Variants in NXT1 observed in about 807,000 individuals in gnomAD.
NXT1 encodes nuclear transport factor 2 like export factor 1.
In NXT1, 3 loss-of-function variants were observed where a neutral mutation model predicts 9.9. The observed-to-expected ratio is 0.30, with a 90% CI of 0.14 to 0.79. The LOEUF (loss-of-function observed/expected upper bound fraction) is 0.79. Ranked by LOEUF, NXT1 falls within the 30% of genes least tolerant of loss-of-function variation. The pLI is 0.63. For synonymous variants in NXT1, 53 were observed against 66.5 expected (o/e 0.80, Z 0.99); for missense variants, 91 against 178.2 (o/e 0.51, Z 2.79).
chr20:23,351,915 C>T (rs935659513), intron 1 of NXT1, among the ~76,000 whole-genome samples: 12 of 152,212 alleles, frequency 7.9e-5, no homozygotes, highest in Non-Finnish European at 1.8e-4. Flanking sequence ...TTTGTGGTAA[C>T]ATTTAAATGA....
Position 23,354,506 on chromosome 20 carries a change from C to A in NXT1, c.*42C>A. The A allele has an allele frequency of 6.4e-7, 1 of 1,570,598 alleles. No homozygotes were observed. Among genetic ancestry groups the A allele is most frequent in the Non-Finnish European group, 8.6e-7 (1 of 1,158,488 alleles). ...CTCTTTGCTTCATTCAGCCCTAGCT[C>A]TGTAGAGAAATGCAAACCTCGACTC... is the stretch of plus-strand genomic sequence containing the variant. On this transcript the variant is annotated 3_prime_UTR_variant, in exon 2 of 2. Coordinates refer to ENST00000254998, the MANE Select transcript of NXT1 (RefSeq NM_013248.3).
chr20:23,353,173 G>A (rs1205978346), intron 1 of NXT1, among the ~76,000 whole-genome samples: 2 of 152,130 alleles, frequency 1.3e-5, no homozygotes, highest in Admixed American at 1.3e-4. Context: ...AGGAAAGAGT[G>A]GCCTTCCATA....
chr20:23,353,687 G>A (rs979960914), intron 1 of NXT1, among the ~76,000 whole-genome samples: 1 of 152,234 alleles, frequency 6.6e-6, no homozygotes, highest in African/African-American at 2.4e-5. Context: ...GGCTGAATCT[G>A]TGGATGCAAA....
chr20:23,353,373 A>G (rs938411065), intron 1 of NXT1, among the ~76,000 whole-genome samples: 2 of 152,166 alleles, frequency 1.3e-5, no homozygotes, highest in Non-Finnish European at 2.9e-5. Flanking sequence ...TAATCCCAGC[A>G]CTTTGGGGGG....
intron 1 of NXT1, among the ~76,000 whole-genome samples, chr20:23,353,358 G>C (rs1980324168): frequency 6.6e-6 from 1 of 152,228 alleles, no homozygotes; most frequent in African/African-American, 2.4e-5. Flanking sequence ...GGTGGCTCAT[G>C]CCTGTAATCC....
At position 23,351,974 on chromosome 20, in the gene NXT1, G is replaced by A. The variant is rs150492684; in HGVS notation, c.-62+913G>A. Among the ~76,000 whole-genome samples, 674 of 152,304 alleles carry A rather than the reference G, an allele frequency of 4.4e-3. 5 individuals are homozygous for A. Among genetic ancestry groups the A allele is most frequent in the Admixed American group, 9.1e-3 (140 of 15,304 alleles). On this transcript the variant is annotated intron_variant, in intron 1 of 1. Coordinates refer to ENST00000254998, the MANE Select transcript of NXT1 (RefSeq NM_013248.3). ...CAAACACAGCGCTTCTTAGTCGTGG[G>A]TTCCGCGTGGGGTGGATTCAACCAA...
In NXT1 at chr20:23,354,675, T is replaced by C; in HGVS notation, c.*211T>C. ...ATACTTGTTTGTCATAGTTTCCTTT[T>C]CAAAGTAGTAAACTTTTCTATTTTT... is the stretch of plus-strand genomic sequence containing the variant. On this transcript the variant is annotated 3_prime_UTR_variant, in exon 2 of 2. Transcript: ENST00000254998. 2 of 572,584 alleles carry C rather than the reference T, an allele frequency of 3.5e-6. No homozygotes were observed. The highest frequency in any genetic ancestry group is 2.7e-5 in the South Asian group (1 of 36,978). The allele number at this position is 572,584 out of a possible 1,614,324, so 35.5% of individuals were successfully genotyped here.
intron 1 of NXT1, among the ~76,000 whole-genome samples, chr20:23,352,355 C>G (rs1281496460): frequency 1.3e-5 from 2 of 152,120 alleles, no homozygotes; most frequent in Non-Finnish European, 2.9e-5. Flanking sequence ...TGGAAAGACC[C>G]ACGTCTGAAA....
In NXT1 at chr20:23,354,501, T is replaced by C. The variant is rs1980354651; in HGVS notation, c.*37T>C. The C allele has an allele frequency of 6.3e-7, 1 of 1,577,730 alleles. No homozygotes were observed. Among genetic ancestry groups the C allele is most frequent in the Non-Finnish European group, 8.6e-7 (1 of 1,162,028 alleles). On this transcript the variant is annotated 3_prime_UTR_variant, in exon 2 of 2. Transcript: ENST00000254998. ...GAGGTCTCTTTGCTTCATTCAGCCC[T>C]AGCTCTGTAGAGAAATGCAAACCTC... is the stretch of plus-strand genomic sequence containing the variant.
intron 1 of NXT1, among the ~76,000 whole-genome samples, chr20:23,352,797 C>T (rs1396937491): frequency 6.6e-6 from 1 of 152,024 alleles, no homozygotes; most frequent in South Asian, 2.1e-4. Flanking sequence ...ATCTAACATG[C>T]CTTTCTGTGG....
chr20:23,353,953 G>A, intron 1 of NXT1, 28 bp from the exon 2 acceptor site: 1 of 1,307,136 alleles, frequency 7.7e-7, no homozygotes, highest in Non-Finnish European at 1.1e-6. Context: ...CATTCACGTG[G>A]CTTCTCTTCA....
At chr20:23,352,326 A>G (rs532884864) in intron 1 of NXT1, among the ~76,000 whole-genome samples, 1 of 152,154 alleles carries the variant, frequency 6.6e-6, no homozygotes, top group Non-Finnish European at 1.5e-5. Flanking sequence ...AGGCTTAACT[A>G]TGAGGTCTGT....
intron 1 of NXT1, 80 bp from the exon 2 acceptor site, chr20:23,353,901 A>T: frequency 1.3e-6 from 1 of 799,554 alleles, no homozygotes; most frequent in South Asian, 1.7e-5. Context: ...CCAGTAGTAG[A>T]AAAGGAGGAA....
Position 23,354,553 on chromosome 20 carries a change from G to A in NXT1, c.*89G>A. On this transcript the variant is annotated 3_prime_UTR_variant, in exon 2 of 2. Coordinates refer to ENST00000254998, the MANE Select transcript of NXT1 (RefSeq NM_013248.3). ...ACTCTCAAGGATGTGAGGAACACAA[G>A]TTCATTTCTGTTGTTGCGGAGACAC... is the stretch of plus-strand genomic sequence containing the variant. 1 of 1,416,244 alleles carries A rather than the reference G, an allele frequency of 7.1e-7. No homozygotes were observed. Among genetic ancestry groups the A allele is most frequent in the South Asian group, 1.4e-5 (1 of 70,470 alleles). The allele number at this position is 1,416,244 out of a possible 1,614,324, so 87.7% of individuals were successfully genotyped here. A position where few individuals can be genotyped will look rare whatever the true frequency, so the allele number is the denominator to read the frequency against.
chr20:23,353,404 G>A (rs1421780567), intron 1 of NXT1, among the ~76,000 whole-genome samples: 1 of 152,222 alleles, frequency 6.6e-6, no homozygotes, highest in Non-Finnish European at 1.5e-5. Context: ...CAGATCACCT[G>A]AGGTCAGGAG....
chr20:23,352,541 GAA>G (rs11475940), intron 1 of NXT1, among the ~76,000 whole-genome samples: 264 of 150,424 alleles, frequency 1.8e-3, no homozygotes, highest in African/African-American at 5.8e-3. Context: ...TTTTTGAAAT[GAA>G]AAAAAACTGT....
intron 1 of NXT1, among the ~76,000 whole-genome samples, chr20:23,353,757 T>A (rs1333051402): frequency 6.6e-6 from 1 of 152,232 alleles, no homozygotes; most frequent in Non-Finnish European, 1.5e-5. Context: ...ACTTAAGGTA[T>A]ACTATCTCAG....
chr20:23,354,638 T>G lies in NXT1; in HGVS notation c.*174T>G. On this transcript the variant is annotated 3_prime_UTR_variant, in exon 2 of 2. Transcript: ENST00000254998. ...TTGTTGCTCAAGTTCTAGGAGTCCCTTTCCTGAATATATACTTGTTTGTCA... is the reference window on the plus strand; with the variant it reads ...TTGTTGCTCAAGTTCTAGGAGTCCCGTTCCTGAATATATACTTGTTTGTCA... The G allele has an allele frequency of 1.5e-6, 1 of 668,848 alleles. No homozygotes were observed. The highest frequency in any genetic ancestry group is 2.1e-5 in the South Asian group (1 of 47,534). The allele number at this position is 668,848 out of a possible 1,614,324, so 41.4% of individuals were successfully genotyped here.
chr20:23,354,338 G>A lies in NXT1; in HGVS notation c.297G>A (p.Val99=), dbSNP rs372416188. The change falls in exon 2 of 2, where the codon GTG becomes GTA. Residue 99 remains valine (V), a synonymous_variant. Transcript: ENST00000254998. ...TTVLVVICGS[V]KFEGNKQRDF... ...TCCTTGTTGTCATCTGTGGATCAGT[G>A]AAGTTTGAGGGGAACAAACAACGGG... 3 of 1,614,068 alleles carry A rather than the reference G, an allele frequency of 1.9e-6. No individual in the cohort carries two copies. Among genetic ancestry groups the A allele is most frequent in the Admixed American group, 1.7e-5 (1 of 60,008 alleles).
Sources: allele counts gnomAD v4.1 joint callset (sites outside exome capture counted in the v4.1 genomes callset), GRCh38; gene constraint gnomAD v4.1.1; transcripts MANE v1.5; gene names NCBI Gene and HGNC (gene_info 2026-07-23, HGNC 2026-07-21).